Variants in RASA3 observed in about 807,000 individuals in gnomAD.
The protein encoded by RASA3 is ras GTPase-activating protein 3.
Under a neutral mutation model 110.0 loss-of-function variants are expected in RASA3, and 73 were observed. The ratio of observed to expected loss-of-function variants is 0.66; its 90% CI spans 0.55 to 0.81. RASA3 has a LOEUF of 0.81. Among genes scored for constraint, RASA3 ranks in the 30% least tolerant of loss-of-function variants. The probability of loss-of-function intolerance (pLI) is 0.00; values close to 1 mark genes in which losing one functional copy is unlikely to be tolerated. For synonymous variants in RASA3, 500 were observed against 451.4 expected, an observed-to-expected ratio of 1.11 and a Z score of -1.37; for missense variants, 976 against 1,113.2, an observed-to-expected ratio of 0.88 and a Z score of 1.75.
intron 18 of RASA3, among the ~76,000 whole-genome samples, chr13:114,001,888 C>T (rs1235486001): frequency 6.6e-6 from 1 of 152,262 alleles, no homozygotes; most frequent in Non-Finnish European, 1.5e-5. Flanking sequence ...GCCAGCCCTG[C>T]TGTGGTAGAA....
chr13:114,115,356 C>A lies in RASA3; in HGVS notation c.55+17079G>T, dbSNP rs931660912. Among the ~76,000 whole-genome samples the A allele has an allele frequency of 6.6e-6, 1 of 152,168 alleles. No individual in the cohort carries two copies. Among genetic ancestry groups the A allele is most frequent in the Non-Finnish European group, 1.5e-5 (1 of 68,022 alleles). Reference sequence around the variant, plus strand: ...TGACACAGAGGCTGGACAGTCACACCGACCCTTGGCCCGGGCGAGGCCACG... The same window carrying A: ...TGACACAGAGGCTGGACAGTCACACAGACCCTTGGCCCGGGCGAGGCCACG... On this transcript the variant is annotated intron_variant, in intron 1 of 23. Coordinates refer to ENST00000334062, the MANE Select transcript of RASA3 (RefSeq NM_007368.4). The surrounding 1 kb of genome is among the most constrained non-coding windows in gnomAD (Gnocchi z 5.0).
chr13:114,016,602 C>G (rs1021008908), intron 12 of RASA3, among the ~76,000 whole-genome samples: 2 of 152,208 alleles, frequency 1.3e-5, no homozygotes, highest in Non-Finnish European at 2.9e-5. Flanking sequence ...CGGGCTCTCT[C>G]AGGGAGCGAT....
chr13:114,087,992 G>A (rs762800146), intron 1 of RASA3, among the ~76,000 whole-genome samples: 42 of 152,156 alleles, frequency 2.8e-4, no homozygotes, highest in Non-Finnish European at 2.9e-5. Context: ...TTAGCTGGGC[G>A]TGGTGGCGCA....
intron 4 of RASA3, among the ~76,000 whole-genome samples, chr13:114,030,435 GGCTC>G (rs2054132026): frequency 1.1e-4 from 7 of 65,878 alleles, no homozygotes; most frequent in African/African-American, 3.1e-4. Flanking sequence ...CAGAGGGCAA[GGCTC>G]ACACAGAGGG....
rs566493305 is a variant in RASA3, at chr13:114,048,314, CAAAA to C, written c.277+3734_277+3737del. On this transcript the variant is annotated intron_variant, in intron 3 of 23. Transcript: ENST00000334062. This position sits in a 1 kb window ranked among gnomAD's most constrained non-coding sequence, Gnocchi z 4.3. ...TGGGCGACAGAAAGAGACTCCGTCT[CAAAA>C]AAAAAAAAAAAGAAGAAGAAAAGAA... Among the ~76,000 whole-genome samples the C allele has an allele frequency of 8.7e-6, 1 of 114,402 alleles. No homozygotes were observed. The highest frequency in any genetic ancestry group is 3.3e-5 in the African/African-American group (1 of 30,670). 75.1% of individuals were successfully genotyped at this position (114,402 alleles called of 152,430 possible). A position where few individuals can be genotyped will look rare whatever the true frequency, so the allele number is the denominator to read the frequency against.
intron 1 of RASA3, among the ~76,000 whole-genome samples, chr13:114,080,487 C>T (rs964711964): frequency 3.9e-5 from 6 of 152,148 alleles, no homozygotes; most frequent in Non-Finnish European, 5.9e-5. Flanking sequence ...TCAGAGGGCA[C>T]GGGAGGTTCT....
chr13:114,124,687 G>A (rs369557224), intron 1 of RASA3, among the ~76,000 whole-genome samples: 4 of 152,354 alleles, frequency 2.6e-5, no homozygotes, highest in East Asian at 1.9e-4. Flanking sequence ...AACTCACTCC[G>A]CCTGTCACTG....
At chr13:113,991,252 G>C (rs1002325764) in intron 22 of RASA3, among the ~76,000 whole-genome samples, 1 of 150,186 alleles carries the variant, frequency 6.7e-6, no homozygotes, top group African/African-American at 2.5e-5. Flanking sequence ...CGGACACCCA[G>C]GGCGTGTGGG....
At chr13:114,003,115 C>G (rs910599867) in intron 18 of RASA3, among the ~76,000 whole-genome samples, 2 of 152,202 alleles carry the variant, frequency 1.3e-5, no homozygotes, top group Admixed American at 1.3e-4. Context: ...CCTAGGACGG[C>G]CCATGCTTGC....
intron 1 of RASA3, among the ~76,000 whole-genome samples, chr13:114,121,869 T>C (rs954039392): frequency 6.6e-6 from 1 of 152,170 alleles, no homozygotes; most frequent in Non-Finnish European, 1.5e-5. Flanking sequence ...TCTCGGAATC[T>C]CTCTCCTGCC....
intron 18 of RASA3, among the ~76,000 whole-genome samples, chr13:114,001,810 A>C (rs919999792): frequency 6.6e-6 from 1 of 152,196 alleles, no homozygotes; most frequent in African/African-American, 2.4e-5. Flanking sequence ...ACGCCCACAA[A>C]ACCCACACCT....
chr13:114,055,865 G>A (rs1413536292), intron 2 of RASA3, among the ~76,000 whole-genome samples: 1 of 152,256 alleles, frequency 6.6e-6, no homozygotes, highest in Admixed American at 6.5e-5. Context: ...AGCACGCACA[G>A]CTCTGGGCCT....
At chr13:114,121,447 A>G (rs1042407681) in intron 1 of RASA3, among the ~76,000 whole-genome samples, 1 of 152,198 alleles carries the variant, frequency 6.6e-6, no homozygotes, top group Non-Finnish European at 1.5e-5. Flanking sequence ...GGAAAAGCCA[A>G]CAGAAGCCCA....
At chr13:114,035,115 A>G (rs1307573383) in intron 4 of RASA3, among the ~76,000 whole-genome samples, 1 of 152,252 alleles carries the variant, frequency 6.6e-6, no homozygotes, top group Admixed American at 6.5e-5. Flanking sequence ...AAAAATGAGT[A>G]AACTAAACCC....
intron 22 of RASA3, among the ~76,000 whole-genome samples, chr13:113,984,767 C>CGG (rs2139058770): frequency 3.8e-5 from 2 of 53,024 alleles, no homozygotes; most frequent in African/African-American, 1.2e-4. Flanking sequence ...ACTCACCCAT[C>CGG]CATCCATCCA....
In RASA3 at chr13:113,979,256, C is replaced by T. The variant is rs551112466; in HGVS notation, c.*91G>A. The T allele has an allele frequency of 1.0e-5, 13 of 1,284,576 alleles. No individual in the cohort carries two copies. The highest frequency in any genetic ancestry group is 2.4e-5 in the South Asian group (2 of 83,734). 79.6% of individuals were successfully genotyped at this position (1,284,576 alleles called of 1,614,324 possible). Reference sequence around the variant, plus strand: ...CGGGACGGCGTGCATCTCACTTTGCCGGCTCTGCGCTCTTCCTTCTCTTCT... The same window carrying T: ...CGGGACGGCGTGCATCTCACTTTGCTGGCTCTGCGCTCTTCCTTCTCTTCT... On this transcript the variant is annotated 3_prime_UTR_variant, in exon 24 of 24. Transcript: ENST00000334062.
At chr13:114,020,178 A>G in intron 9 of RASA3, among the ~76,000 whole-genome samples, 1 of 68,354 alleles carries the variant, frequency 1.5e-5, no homozygotes. Context: ...TGTCCGAGGC[A>G]TTAGCCCCCG....
intron 14 of RASA3, among the ~76,000 whole-genome samples, chr13:114,013,791 T>C (rs1251881528): frequency 2.0e-5 from 3 of 149,412 alleles, no homozygotes; most frequent in Non-Finnish European, 4.5e-5. Context: ...TCTGTCTCTC[T>C]CCCTAACTCC....
chr13:114,033,995 C>T (rs560425031), intron 4 of RASA3, among the ~76,000 whole-genome samples: 7 of 152,268 alleles, frequency 4.6e-5, no homozygotes, highest in Non-Finnish European at 1.0e-4. Context: ...CAGGGCTGAG[C>T]GGAGTATCGC....
Sources: gnomAD v4.1 joint callset for allele counts (sites outside exome capture counted in the v4.1 genomes callset) on GRCh38, gnomAD v4.1.1 for gene constraint, Gnocchi (gnomAD v3.1) non-coding constraint, MANE v1.5 for transcripts, NCBI Gene and HGNC (gene_info 2026-07-23, HGNC 2026-07-21) for gene names.